BACH2: variants seen among roughly 807,000 people sequenced by gnomAD.
BACH2 encodes BACH transcriptional regulator 2.
In BACH2, 5 loss-of-function variants were observed where a neutral mutation model predicts 61.8. That is an observed-to-expected ratio of 0.08 (90% CI 0.04 to 0.17). BACH2 has a LOEUF of 0.17. Ranked by LOEUF, BACH2 falls within the 10% of genes least tolerant of loss-of-function variation. The pLI is 1.00. For missense variants in BACH2, 824 were observed against 1,091.1 expected (o/e 0.76, Z 3.45); for synonymous variants, 446 against 440.1 (o/e 1.01, Z -0.17).
Position 90,293,930 on chromosome 6 carries a change from T to C in BACH2, c.-446+2550A>G, listed in dbSNP as rs142621743. On this transcript the variant is annotated intron_variant, in intron 1 of 8. Coordinates refer to ENST00000257749, the MANE Select transcript of BACH2 (RefSeq NM_021813.4). ...CTACTGGAAAAGAATTGCCTGAAGATACTAAGTCAAAGGGCATAATTCAAT... is the reference window on the plus strand; with the variant it reads ...CTACTGGAAAAGAATTGCCTGAAGACACTAAGTCAAAGGGCATAATTCAAT... Among the ~76,000 whole-genome samples, 489 of 152,306 alleles carry C rather than the reference T, an allele frequency of 3.2e-3. 8 individuals carry two copies. The highest frequency in any genetic ancestry group is 7.7e-4 in the East Asian group (4 of 5,184).
intron 5 of BACH2, among the ~76,000 whole-genome samples, chr6:90,063,962 T>C (rs1294979772): frequency 6.6e-6 from 1 of 152,226 alleles, no homozygotes; most frequent in Non-Finnish European, 1.5e-5. Context: ...TTTAAACCAA[T>C]GGCCTCTTAG....
At chr6:90,090,465 A>T (rs577116170) in intron 4 of BACH2, among the ~76,000 whole-genome samples, 20 of 152,198 alleles carry the variant, frequency 1.3e-4, no homozygotes, top group Non-Finnish European at 2.8e-4. Context: ...GTTAATTATG[A>T]ACCTTATCAC....
intron 5 of BACH2, among the ~76,000 whole-genome samples, chr6:90,030,973 A>G (rs9451320): frequency 0.11 from 9,106 of 82,666 alleles, 1,965 homozygotes; most frequent in African/African-American, 0.37. Context: ...CTGGCAAAAC[A>G]AATCCAGCAG....
chr6:90,294,234 A>C (rs1772265806), intron 1 of BACH2, among the ~76,000 whole-genome samples: 1 of 152,196 alleles, frequency 6.6e-6, no homozygotes, highest in Non-Finnish European at 1.5e-5. Context: ...AGAAGAATTT[A>C]CTCAACACAT....
At chr6:90,093,139 T>C (rs1782241775) in intron 4 of BACH2, among the ~76,000 whole-genome samples, 1 of 152,186 alleles carries the variant, frequency 6.6e-6, no homozygotes, top group Admixed American at 6.5e-5. Flanking sequence ...AGCAGGTCTT[T>C]ATTAACTGGT....
chr6:90,277,495 T>TGGAA (rs1463751528), intron 1 of BACH2, among the ~76,000 whole-genome samples: 8 of 152,212 alleles, frequency 5.3e-5, no homozygotes, highest in Non-Finnish European at 1.2e-4. Context: ...AAGTAGTTAC[T>TGGAA]GGAAGGAAGC....
At chr6:89,947,629 G>C (rs1386124414) in intron 7 of BACH2, among the ~76,000 whole-genome samples, 1 of 151,398 alleles carries the variant, frequency 6.6e-6, no homozygotes, top group Non-Finnish European at 1.5e-5. Flanking sequence ...GCAGCGGCGC[G>C]ATCTCGGCTC....
intron 2 of BACH2, among the ~76,000 whole-genome samples, chr6:90,253,358 T>C (rs1770874808): frequency 6.6e-6 from 1 of 152,192 alleles, no homozygotes; most frequent in Non-Finnish European, 1.5e-5. Flanking sequence ...ACTAATATTA[T>C]GAGAAATATT....
At chr6:90,228,461 G>A (rs138547003) in intron 3 of BACH2, among the ~76,000 whole-genome samples, 8 of 152,364 alleles carry the variant, frequency 5.3e-5, no homozygotes, top group Admixed American at 2.0e-4. Context: ...ATGTTTTTAG[G>A]TTGGGCGTGG....
chr6:90,211,305 C>T (rs749555328), intron 3 of BACH2, among the ~76,000 whole-genome samples: 14 of 152,042 alleles, frequency 9.2e-5, no homozygotes, highest in Admixed American at 9.2e-4. Flanking sequence ...CAGGTCCTCG[C>T]TATGGAAGAG....
At chr6:89,959,025 C>T (rs1418389103) in intron 6 of BACH2, among the ~76,000 whole-genome samples, 1 of 151,690 alleles carries the variant, frequency 6.6e-6, no homozygotes, top group African/African-American at 2.4e-5. Context: ...GAGCATGGGG[C>T]CCTGTGCAAT....
At chr6:89,974,042 GA>G (rs1775514566) in intron 6 of BACH2, among the ~76,000 whole-genome samples, 1 of 152,124 alleles carries the variant, frequency 6.6e-6, no homozygotes, top group South Asian at 2.1e-4. Context: ...ACTTGAACTA[GA>G]GCTGGAGATA....
intron 4 of BACH2, among the ~76,000 whole-genome samples, chr6:90,161,851 C>T (rs543797667): frequency 6.6e-5 from 10 of 152,242 alleles, no homozygotes; most frequent in Admixed American, 2.0e-4. Flanking sequence ...TTCAAATAGA[C>T]AATGGTACCA....
intron 6 of BACH2, among the ~76,000 whole-genome samples, chr6:89,960,806 C>T (rs192987205): frequency 1.5e-4 from 23 of 152,302 alleles, no homozygotes; most frequent in African/African-American, 4.8e-4. Flanking sequence ...GAATGGCAGT[C>T]GGATGAAGCT....
chr6:90,122,650 C>T (rs901363072), intron 4 of BACH2, among the ~76,000 whole-genome samples: 8 of 152,232 alleles, frequency 5.3e-5, no homozygotes, highest in Non-Finnish European at 1.0e-4. Context: ...CTGATTTCTG[C>T]ATCCCAGGAG....
intron 5 of BACH2, among the ~76,000 whole-genome samples, chr6:90,022,754 T>G (rs1015145098): frequency 6.6e-6 from 1 of 152,200 alleles, no homozygotes; most frequent in African/African-American, 2.4e-5. Flanking sequence ...ATAAGAAAGT[T>G]TGACAATATC....
chr6:89,977,172 T>C (rs925031182), intron 6 of BACH2, among the ~76,000 whole-genome samples: 2 of 152,196 alleles, frequency 1.3e-5, no homozygotes, highest in African/African-American at 4.8e-5. Flanking sequence ...TCAAAAAGAA[T>C]ACAAAATAAG....
intron 5 of BACH2, among the ~76,000 whole-genome samples, chr6:90,059,675 C>T (rs992694411): frequency 5.3e-5 from 8 of 151,892 alleles, no homozygotes; most frequent in South Asian, 2.1e-4. Context: ...CACATGCACA[C>T]GTATGTTTAT....
At chr6:90,073,577 C>T (rs1430251722) in intron 5 of BACH2, among the ~76,000 whole-genome samples, 1 of 152,210 alleles carries the variant, frequency 6.6e-6, no homozygotes, top group Non-Finnish European at 1.5e-5. Flanking sequence ...AACACATGCT[C>T]TCCTCTCCTC....
Sources: allele counts gnomAD v4.1 joint callset (sites outside exome capture counted in the v4.1 genomes callset), GRCh38; gene constraint gnomAD v4.1.1; transcripts MANE v1.5; gene names NCBI Gene and HGNC (gene_info 2026-07-23, HGNC 2026-07-21).